The following KCTD1 variants were observed in gnomAD, a reference collection of about 807,000 sequenced individuals.
The protein encoded by KCTD1 is BTB/POZ domain-containing protein KCTD1.
In KCTD1, 24 loss-of-function variants were observed where a neutral mutation model predicts 66.0. The ratio of observed to expected loss-of-function variants is 0.36; its 90% CI spans 0.26 to 0.51. The LOEUF (loss-of-function observed/expected upper bound fraction) is 0.51, where lower values mean the gene tolerates loss of function less well. Among genes scored for constraint, KCTD1 ranks in the 20% least tolerant of loss-of-function variants. The pLI, the probability that KCTD1 is intolerant of heterozygous loss-of-function variation, is 0.95. For missense variants in KCTD1, 943 were observed against 1,205.2 expected, an observed-to-expected ratio of 0.78 and a Z score of 3.22; for synonymous variants, 511 against 517.2, an observed-to-expected ratio of 0.99 and a Z score of 0.16.
At chr18:26,608,264 G>T (rs1296905358) in intron 1 of KCTD1, among the ~76,000 whole-genome samples, 1 of 152,012 alleles carries the variant, frequency 6.6e-6, no homozygotes, top group Non-Finnish European at 1.5e-5. Context: ...TTGATCTCTT[G>T]TCTTACCTGC....
upstream of KCTD1, chr18:26,549,327 G>A (rs1035613914): frequency 2.7e-5 from 27 of 985,278 alleles, no homozygotes; most frequent in East Asian, 1.1e-4. Context: ...AGCGAAACAC[G>A]CCCCACGTCA....
At chr18:26,537,194 T>C (rs908529433) in intron 1 of KCTD1, among the ~76,000 whole-genome samples, 8 of 152,190 alleles carry the variant, frequency 5.3e-5, no homozygotes, top group Non-Finnish European at 7.3e-5. Flanking sequence ...AAAATAAACA[T>C]TCAGCAAGTC....
chr18:26,626,560 C>T (rs1223661397), intron 1 of KCTD1, among the ~76,000 whole-genome samples: 1 of 150,906 alleles, frequency 6.6e-6, no homozygotes, highest in Non-Finnish European at 1.5e-5. Context: ...ACCACAGCCT[C>T]CACTTCCTGG....
rs1348537413 is a variant in KCTD1, at chr18:26,548,283, A to G, written c.254T>C (p.Leu85Pro). ...TTCCTCCTCCTCCTCGTCCTCCTCC[A>G]GCCCCCCACCTCCGTCCTCCTCCTC... ...EEEEEDGGGGLEEDEEEEEEE... is the reference protein window; with the variant it reads ...EEEEEDGGGGPEEDEEEEEEE... Residue 85 changes from leucine (L) to proline (P), a missense_variant, in exon 1 of 5, where the codon CTG becomes CCG. Coordinates refer to ENST00000580059, the MANE Select transcript of KCTD1 (RefSeq NM_001142730.3). The G allele has an allele frequency of 6.7e-7, 1 of 1,484,912 alleles. No individual in the cohort carries two copies. The allele number at this position is 1,484,912 out of a possible 1,614,324, so 92.0% of individuals were successfully genotyped here. A position where few individuals can be genotyped will look rare whatever the true frequency, so the allele number is the denominator to read the frequency against.
intron 1 of KCTD1, among the ~76,000 whole-genome samples, chr18:26,576,469 T>C (rs1167309819): frequency 6.6e-6 from 1 of 152,216 alleles, no homozygotes; most frequent in East Asian, 1.9e-4. Context: ...CTGTTGCCAG[T>C]CTCTTGGCTT....
At chr18:26,563,250 C>A (rs1985903411) in intron 1 of KCTD1, among the ~76,000 whole-genome samples, 1 of 152,210 alleles carries the variant, frequency 6.6e-6, no homozygotes, top group Non-Finnish European at 1.5e-5. Context: ...CGTGTCCAGG[C>A]TGAGTTTAGT....
At chr18:26,508,224 G>A (rs1485896724) in intron 1 of KCTD1, among the ~76,000 whole-genome samples, 2 of 152,026 alleles carry the variant, frequency 1.3e-5, no homozygotes, top group African/African-American at 2.4e-5. Context: ...CGTGCTGATC[G>A]GTGCATCTTT....
At chr18:26,550,683 C>T (rs1209766061), upstream of KCTD1, among the ~76,000 whole-genome samples, 2 of 152,164 alleles carry the variant, frequency 1.3e-5, no homozygotes, top group East Asian at 1.9e-4. This position sits in a 1 kb window ranked among gnomAD's most constrained non-coding sequence, Gnocchi z 5.4. Context: ...AGGTGGCCGG[C>T]TTTGTTCACA....
chr18:26,635,517 G>A (rs1383623857), intron 1 of KCTD1, among the ~76,000 whole-genome samples: 18 of 152,296 alleles, frequency 1.2e-4, no homozygotes, highest in African/African-American at 3.8e-4. Flanking sequence ...AATGGCAGCC[G>A]CAGGAGCCTT....
At chr18:26,514,383 T>C (rs1177859135) in intron 1 of KCTD1, among the ~76,000 whole-genome samples, 2 of 151,930 alleles carry the variant, frequency 1.3e-5, no homozygotes, top group South Asian at 2.1e-4. Flanking sequence ...TGAGACCCTG[T>C]CTCTAAAAAG....
At chr18:26,561,256 T>G (rs1196220246) in intron 1 of KCTD1, among the ~76,000 whole-genome samples, 1 of 152,248 alleles carries the variant, frequency 6.6e-6, no homozygotes, top group African/African-American at 2.4e-5. Context: ...TAAAATCATT[T>G]ACAGTGGTGA....
chr18:26,504,707 G>A (rs572010693), intron 1 of KCTD1, among the ~76,000 whole-genome samples: 19 of 146,214 alleles, frequency 1.3e-4, no homozygotes, highest in African/African-American at 5.0e-4. Context: ...GCTGGGGTTG[G>A]GGGGGCGATA....
At chr18:26,587,908 A>G (rs917980498) in intron 1 of KCTD1, among the ~76,000 whole-genome samples, 3 of 152,160 alleles carry the variant, frequency 2.0e-5, no homozygotes, top group African/African-American at 4.8e-5. Context: ...GATGAAATCT[A>G]CTCCTAGGGA....
intron 1 of KCTD1, among the ~76,000 whole-genome samples, chr18:26,610,617 T>G (rs145122507): frequency 0.013 from 1,525 of 118,556 alleles, 10 homozygotes; most frequent in South Asian, 0.03. Context: ...AAGGAAGGAA[T>G]GAAGGAAGGA....
chr18:26,596,858 T>C (rs1377020958), intron 1 of KCTD1, among the ~76,000 whole-genome samples: 1 of 152,266 alleles, frequency 6.6e-6, no homozygotes, highest in African/African-American at 2.4e-5. Flanking sequence ...TGAGTTCCAT[T>C]TCCGTTAATC....
intron 2 of KCTD1, among the ~76,000 whole-genome samples, chr18:26,477,362 A>G (rs1223246958): frequency 6.6e-6 from 1 of 152,192 alleles, no homozygotes; most frequent in Non-Finnish European, 1.5e-5. Flanking sequence ...GCTTTTCCCA[A>G]TTTTGGAATG....
At chr18:26,542,009 G>T (rs1567986583) in intron 1 of KCTD1, among the ~76,000 whole-genome samples, 1 of 152,092 alleles carries the variant, frequency 6.6e-6, no homozygotes. Context: ...AGCAAGCAGA[G>T]AATTATTTCA....
chr18:26,509,776 C>T lies in KCTD1; in HGVS notation c.1810-8526G>A, dbSNP rs145954008. On this transcript the variant is annotated intron_variant, in intron 1 of 4. Coordinates refer to ENST00000580059, the MANE Select transcript of KCTD1 (RefSeq NM_001142730.3). ...GGAAAAGTCACATATACAGGGCACC[C>T]TAAGTAAGGGTACAGGAGAAAAAGC... 5.3e-3 allele frequency among the ~76,000 whole-genome samples: 808 copies of T among 152,304 alleles called. 25 individuals are homozygous for T. Among genetic ancestry groups the T allele is most frequent in the Admixed American group, 0.041 (630 of 15,310 alleles).
intron 1 of KCTD1, among the ~76,000 whole-genome samples, chr18:26,645,435 C>T (rs995688892): frequency 6.6e-6 from 1 of 152,162 alleles, no homozygotes; most frequent in Non-Finnish European, 1.5e-5. Flanking sequence ...CAGGGTCTCG[C>T]TCTGTCACCT....
Sources: gnomAD v4.1 joint callset for allele counts (sites outside exome capture counted in the v4.1 genomes callset) on GRCh38, gnomAD v4.1.1 for gene constraint, Gnocchi (gnomAD v3.1) non-coding constraint, MANE v1.5 for transcripts, NCBI Gene and HGNC (gene_info 2026-07-23, HGNC 2026-07-21) for gene names.